METTL15: variants seen among roughly 807,000 people sequenced by gnomAD.
METTL15 encodes 12S rRNA N(4)-cytidine methyltransferase METTL15.
In METTL15, 34 loss-of-function variants were observed where a neutral mutation model predicts 38.3. That is an observed-to-expected ratio of 0.89 (90% CI 0.68 to 1.18). The LOEUF (loss-of-function observed/expected upper bound fraction) is 1.18. METTL15 is among the 50% of genes most tolerant of loss of function. The pLI is 0.00. For synonymous variants in METTL15, 162 were observed against 170.9 expected (o/e 0.95, Z 0.41); for missense variants, 438 against 498.4 (o/e 0.88, Z 1.15).
At chr11:28,246,765 G>A (rs1208534420) in intron 4 of METTL15, among the ~76,000 whole-genome samples, 1 of 152,080 alleles carries the variant, frequency 6.6e-6, no homozygotes, top group Non-Finnish European at 1.5e-5. Flanking sequence ...ATACACATGG[G>A]TAATGTCTGT....
chr11:28,351,484 T>C (rs1850041252), intron 3 of METTL15, among the ~76,000 whole-genome samples: 1 of 152,210 alleles, frequency 6.6e-6, no homozygotes, highest in Non-Finnish European at 1.5e-5. Flanking sequence ...GGAATCTTCA[T>C]TTTAGCTCCC....
intron 5 of METTL15, among the ~76,000 whole-genome samples, chr11:28,384,230 T>A (rs894926203): frequency 6.6e-6 from 1 of 152,170 alleles, no homozygotes; most frequent in Non-Finnish European, 1.5e-5. Flanking sequence ...TTTTGGTTGA[T>A]TCAATGTCTT....
At chr11:28,407,600 C>G (rs1163977524) in intron 5 of METTL15, among the ~76,000 whole-genome samples, 5 of 152,006 alleles carry the variant, frequency 3.3e-5, no homozygotes, top group Non-Finnish European at 5.9e-5. Context: ...CAAATCAAAA[C>G]CACAATGAGA....
intron 4 of METTL15, among the ~76,000 whole-genome samples, chr11:28,275,574 G>C (rs75856945): frequency 0.017 from 2,551 of 148,998 alleles, 119 homozygotes; most frequent in East Asian, 0.12. Context: ...AAAATCAGAG[G>C]ACATAATTCT....
At chr11:28,368,694 C>A (rs1053080312) in intron 5 of METTL15, among the ~76,000 whole-genome samples, 3 of 152,150 alleles carry the variant, frequency 2.0e-5, no homozygotes, top group Non-Finnish European at 4.4e-5. Flanking sequence ...TATAAAGATG[C>A]ATGCACACGT....
At chr11:28,350,839 T>A (rs1850034898) in intron 3 of METTL15, among the ~76,000 whole-genome samples, 2 of 152,224 alleles carry the variant, frequency 1.3e-5, no homozygotes, top group South Asian at 4.1e-4. Context: ...AACATTTGAA[T>A]TTTGTGAAGC....
chr11:28,371,627 A>G (rs553632495), intron 5 of METTL15, among the ~76,000 whole-genome samples: 23 of 152,064 alleles, frequency 1.5e-4, no homozygotes, highest in Non-Finnish European at 1.0e-4. Context: ...ATTCATGAAC[A>G]TGGAATATTT....
intron 4 of METTL15, among the ~76,000 whole-genome samples, chr11:28,215,026 A>T (rs1305105262): frequency 1.3e-5 from 2 of 152,206 alleles, no homozygotes; most frequent in Non-Finnish European, 2.9e-5. Context: ...CAGAAAGAAG[A>T]TGCAAAGATA....
intron 3 of METTL15, among the ~76,000 whole-genome samples, chr11:28,210,073 CAT>C (rs1852562613): frequency 6.6e-6 from 1 of 151,968 alleles, no homozygotes; most frequent in South Asian, 2.1e-4. Context: ...CTTGTACACA[CAT>C]ATGTTTCTTA....
intron 6 of METTL15, among the ~76,000 whole-genome samples, chr11:28,520,773 G>T (rs149259798): frequency 6.6e-6 from 1 of 152,302 alleles, no homozygotes; most frequent in East Asian, 1.9e-4. Flanking sequence ...TTAGGAAAAT[G>T]AATTTCAAAA....
At chr11:28,356,258 A>AT (rs1312859814) in intron 4 of METTL15, among the ~76,000 whole-genome samples, 4 of 152,004 alleles carry the variant, frequency 2.6e-5, no homozygotes, top group African/African-American at 9.7e-5. Context: ...TTGCTTCACT[A>AT]TTTTCGGTCT....
chr11:28,343,539 C>T (rs970228978), intron 3 of METTL15, among the ~76,000 whole-genome samples: 11 of 152,166 alleles, frequency 7.2e-5, no homozygotes, highest in Admixed American at 2.0e-4. Context: ...AAAAGTGTAT[C>T]GCAGCTGCAG....
At chr11:28,137,750 G>A (rs1362631309) in intron 3 of METTL15, among the ~76,000 whole-genome samples, 1 of 150,794 alleles carries the variant, frequency 6.6e-6, no homozygotes, top group Non-Finnish European at 1.5e-5. Context: ...ATTTCTCAAA[G>A]ATTAAAGTCA....
intron 5 of METTL15, among the ~76,000 whole-genome samples, chr11:28,382,087 A>C (rs917103266): frequency 1.3e-5 from 2 of 152,182 alleles, no homozygotes; most frequent in African/African-American, 4.8e-5. Flanking sequence ...TTTCCCCAAT[A>C]GATCACTACC....
intron 4 of METTL15, among the ~76,000 whole-genome samples, chr11:28,275,712 T>A (rs1855816861): frequency 6.6e-6 from 1 of 150,782 alleles, no homozygotes. Context: ...AACAAAATAC[T>A]AGCAAATAAT....
At chr11:28,424,518 T>G (rs1850848266) in intron 6 of METTL15, among the ~76,000 whole-genome samples, 1 of 152,186 alleles carries the variant, frequency 6.6e-6, no homozygotes, top group African/African-American at 2.4e-5. Context: ...TAGAGTTGTC[T>G]ACACATAATC....
intron 3 of METTL15, among the ~76,000 whole-genome samples, chr11:28,344,140 A>G (rs1411420231): frequency 1.3e-5 from 2 of 152,144 alleles, no homozygotes; most frequent in Admixed American, 1.3e-4. Context: ...TTGTTCACCA[A>G]TCGCCATGCA....
chr11:28,130,441 C>A (rs1463397288), intron 3 of METTL15, among the ~76,000 whole-genome samples: 1 of 152,092 alleles, frequency 6.6e-6, no homozygotes, highest in Non-Finnish European at 1.5e-5. Context: ...CCATAATAGT[C>A]ATACTATTTG....
chr11:28,398,293 T>A (rs572845190), intron 5 of METTL15, among the ~76,000 whole-genome samples: 1 of 151,644 alleles, frequency 6.6e-6, no homozygotes, highest in Admixed American at 6.6e-5. Flanking sequence ...CAAAAATTGA[T>A]AAACCATAAA....
Sources: allele counts gnomAD v4.1 joint callset (sites outside exome capture counted in the v4.1 genomes callset), GRCh38; gene constraint gnomAD v4.1.1; transcripts MANE v1.5; gene names NCBI Gene and HGNC (gene_info 2026-07-23, HGNC 2026-07-21).